The following AP1G1 variants were observed in gnomAD, a reference collection of about 807,000 sequenced individuals.
AP1G1 encodes the protein adaptor related protein complex 1 subunit gamma 1.
In AP1G1, 7 loss-of-function variants were observed where a neutral mutation model predicts 108.3. The observed-to-expected ratio is 0.06, with a 90% CI of 0.04 to 0.12. AP1G1 has a LOEUF of 0.12. AP1G1 is among the 10% of genes least tolerant of loss of function. AP1G1 has a pLI of 1.00. For missense variants in AP1G1, 756 were observed against 1,010.7 expected, an observed-to-expected ratio of 0.75 and a Z score of 3.42; for synonymous variants, 379 against 353.5, an observed-to-expected ratio of 1.07 and a Z score of -0.81.
At chr16:71,757,166 T>C (rs1026911549) in intron 11 of AP1G1, among the ~76,000 whole-genome samples, 10 of 151,806 alleles carry the variant, frequency 6.6e-5, no homozygotes, top group Admixed American at 2.6e-4. Flanking sequence ...AGTAACAATT[T>C]AGGCTGGGCA....
At chr16:71,740,178 C>A (rs571478609) in intron 19 of AP1G1, among the ~76,000 whole-genome samples, 1 of 152,200 alleles carries the variant, frequency 6.6e-6, no homozygotes, top group Non-Finnish European at 1.5e-5. Context: ...TATCCTTAAA[C>A]TGAGGTTTCT....
intron 2 of AP1G1, among the ~76,000 whole-genome samples, chr16:71,776,254 G>T (rs1388241666): frequency 6.6e-6 from 1 of 152,208 alleles, no homozygotes; most frequent in African/African-American, 2.4e-5. Context: ...CAATGTACCT[G>T]CATTAAAAAC....
At position 71,729,229 on chromosome 16, in the gene AP1G1, A is replaced by G. The variant is rs1403901585; in HGVS notation, c.*3829T>C. 6.6e-6 allele frequency: 1 copy of G among 152,414 alleles called. No homozygotes were observed. Among genetic ancestry groups the G allele is most frequent in the African/African-American group, 2.4e-5 (1 of 41,378 alleles). The allele number at this position is 152,414 out of a possible 1,614,324, so 9.4% of individuals were successfully genotyped here. On this transcript the variant is annotated 3_prime_UTR_variant, in exon 23 of 23. Transcript: ENST00000299980. ...TTCATTAGCTGTCCCACTTGGAAAC[A>G]GCTTTTTAATATTTTTACAGTAAAG...
intron 7 of AP1G1, 94 bp from the exon 8 acceptor site, chr16:71,764,820 G>A (rs956361064): frequency 2.7e-6 from 2 of 750,908 alleles, no homozygotes; most frequent in African/African-American, 3.6e-5. Context: ...TGAAGTCTTA[G>A]AAATTCATTT....
At chr16:71,755,812 A>G (rs1357357570) in intron 12 of AP1G1, among the ~76,000 whole-genome samples, 2 of 151,748 alleles carry the variant, frequency 1.3e-5, no homozygotes, top group Non-Finnish European at 2.9e-5. Context: ...GGCCCAACAA[A>G]TTTTTGTATT....
intron 14 of AP1G1, 26 bp downstream of exon 14, chr16:71,750,184 C>A: frequency 6.2e-7 from 1 of 1,609,932 alleles, no homozygotes. Flanking sequence ...AAATTACCCC[C>A]TAAAATAGTT....
chr16:71,764,656 A>G lies in AP1G1; in HGVS notation c.809T>C (p.Ile270Thr), dbSNP rs1449846051. ...GTTTGGTCTACTCACCTGTGCTAAT[A>G]TATCATTCATAGCTTCACTTGAATC... is the stretch of plus-strand genomic sequence containing the variant. ...DDDSSEAMNDILAQVATNTET... is the reference protein window; with the variant it reads ...DDDSSEAMNDTLAQVATNTET... The change falls in exon 8 of 23, where the codon ATA becomes ACA. Residue 270 changes from isoleucine to threonine, a missense_variant. Ile to Thr is a moderately conservative substitution (Grantham distance 89). This residue lies in a region of AP1G1 where 304 missense variants were observed against 483.6 expected (regional missense o/e 0.63). Coordinates refer to ENST00000299980, the MANE Select transcript of AP1G1 (RefSeq NM_001128.6). 4 of 1,605,716 alleles carry G rather than the reference A, an allele frequency of 2.5e-6. No individual in the cohort carries two copies. The highest frequency in any genetic ancestry group is 1.7e-6 in the Non-Finnish European group (2 of 1,176,864).
intron 1 of AP1G1, among the ~76,000 whole-genome samples, chr16:71,805,801 G>A (rs751322709): frequency 3.3e-5 from 5 of 152,082 alleles, no homozygotes; most frequent in African/African-American, 7.2e-5. Flanking sequence ...TTGCGAGGCC[G>A]AGGCAAGAGG....
chr16:71,766,573 T>G (rs921999366), intron 6 of AP1G1: 1 of 323,418 alleles, frequency 3.1e-6, no homozygotes, highest in Admixed American at 4.0e-5. Flanking sequence ...AGTTAAATAG[T>G]GTGCAAAGTG....
chr16:71,748,475 A>T, intron 15 of AP1G1, 97 bp from the exon 16 acceptor site: 4 of 1,353,450 alleles, frequency 3.0e-6, no homozygotes, highest in Non-Finnish European at 4.0e-6. Context: ...CAGAAAGACA[A>T]TCCTACCGTT....
chr16:71,760,126 C>T (rs192900189), intron 10 of AP1G1, among the ~76,000 whole-genome samples: 1 of 152,252 alleles, frequency 6.6e-6, no homozygotes. Context: ...CCACCTTAGC[C>T]TGCCAAAGTG....
At chr16:71,808,248 G>C (rs2033066405) in intron 1 of AP1G1, 19 of 1,061,796 alleles carry the variant, frequency 1.8e-5, no homozygotes, top group Non-Finnish European at 2.2e-5. Flanking sequence ...GAAGTTGGTC[G>C]GAAGGTTAGA....
chr16:71,805,954 C>A lies in AP1G1; in HGVS notation c.-4+2809G>T, dbSNP rs1160605303. Among the ~76,000 whole-genome samples, 12 of 151,798 alleles carry A rather than the reference C, an allele frequency of 7.9e-5. No individual in the cohort carries two copies. In the South Asian group the frequency reaches 8.3e-4, roughly 11 times the overall value. On this transcript the variant is annotated intron_variant, in intron 1 of 22. Transcript: ENST00000299980. ...GAGGATCGCTTGAGTCCAGGAGGTCCAGGCTGCAGTGAGCTGAGACCACTG... is the reference window on the plus strand; with the variant it reads ...GAGGATCGCTTGAGTCCAGGAGGTCAAGGCTGCAGTGAGCTGAGACCACTG...
intron 11 of AP1G1, 66 bp downstream of exon 11, chr16:71,758,742 G>T: frequency 2.2e-6 from 2 of 904,114 alleles, no homozygotes; most frequent in Non-Finnish European, 3.6e-6. Context: ...GCGGCATAGA[G>T]CTATCAATAA....
chr16:71,751,627 C>T (rs941345331), intron 13 of AP1G1, among the ~76,000 whole-genome samples: 3 of 152,110 alleles, frequency 2.0e-5, no homozygotes, highest in Non-Finnish European at 2.9e-5. Flanking sequence ...TACATCCTTC[C>T]GTAAAGCAGA....
chr16:71,738,795 G>T, intron 21 of AP1G1, 147 bp downstream of exon 21: 1 of 706,316 alleles, frequency 1.4e-6, no homozygotes, highest in Non-Finnish European at 2.3e-6. Flanking sequence ...ATGCTTCCAT[G>T]AACCATAAGC....
chr16:71,755,090 G>C (rs2030710307), intron 12 of AP1G1, among the ~76,000 whole-genome samples: 1 of 152,180 alleles, frequency 6.6e-6, no homozygotes, highest in Admixed American at 6.5e-5. Flanking sequence ...TCTGCATAGA[G>C]CTGCAATTCA....
intron 1 of AP1G1, among the ~76,000 whole-genome samples, chr16:71,799,527 G>A (rs1424644370): frequency 6.6e-6 from 1 of 152,140 alleles, no homozygotes; most frequent in Non-Finnish European, 1.5e-5. Flanking sequence ...CAGCACTTTG[G>A]GAGGCCACAG....
intron 2 of AP1G1, among the ~76,000 whole-genome samples, chr16:71,781,129 A>C (rs968464142): frequency 1.3e-5 from 2 of 152,072 alleles, no homozygotes; most frequent in Non-Finnish European, 2.9e-5. Context: ...ATTTCTTTTT[A>C]ATATTCAGAA....
Sources: gnomAD v4.1 joint callset for allele counts (sites outside exome capture counted in the v4.1 genomes callset) on GRCh38, gnomAD v4.1.1 for gene constraint, gnomAD v4.1.1 regional missense constraint, MANE v1.5 for transcripts, NCBI Gene and HGNC (gene_info 2026-07-23, HGNC 2026-07-21) for gene names.